F13A1: variants seen among roughly 807,000 people sequenced by gnomAD.
The protein encoded by F13A1 is coagulation factor XIII A chain, also known as FSF, A subunit.
In F13A1, 47 loss-of-function variants were observed where a neutral mutation model predicts 80.1. The ratio of observed to expected loss-of-function variants is 0.59; its 90% CI spans 0.46 to 0.75. The LOEUF (loss-of-function observed/expected upper bound fraction) is 0.75. Among genes scored for constraint, F13A1 ranks in the 30% least tolerant of loss-of-function variants. The pLI, the probability that F13A1 is intolerant of heterozygous loss-of-function variation, is 0.00. For synonymous variants in F13A1, 349 were observed against 344.9 expected (o/e 1.01, Z -0.13); for missense variants, 817 against 930.4 (o/e 0.88, Z 1.59).
rs1010361754 is a variant in F13A1, at chr6:6,161,551, T to TGTGTGTGTGTGTGTGAGA, written c.1908+5906_1908+5907insTCTCACACACACACACAC. ...GTGTGTGTGTGTGTGTGTGTGTGTG[T>TGTGTGTGTGTGTGTGAGA]GAGAGAGAGAGAGAGAGAGAGAGAG... On this transcript the variant is annotated intron_variant, in intron 13 of 14. Coordinates refer to ENST00000264870, the MANE Select transcript of F13A1 (RefSeq NM_000129.4). Among the ~76,000 whole-genome samples the TGTGTGTGTGTGTGTGAGA allele has an allele frequency of 5.9e-3, 856 of 146,300 alleles. 10 individuals are homozygous for TGTGTGTGTGTGTGTGAGA. Among genetic ancestry groups the TGTGTGTGTGTGTGTGAGA allele is most frequent in the African/African-American group, 0.021 (817 of 39,248 alleles).
At chr6:6,275,521 C>T (rs759552960) in intron 3 of F13A1, among the ~76,000 whole-genome samples, 7 of 152,014 alleles carry the variant, frequency 4.6e-5, no homozygotes, top group Non-Finnish European at 7.4e-5. Context: ...TGGTGTGGGC[C>T]ACCACACCCA....
At chr6:6,161,320 C>T (rs143321781) in intron 13 of F13A1, among the ~76,000 whole-genome samples, 4 of 152,280 alleles carry the variant, frequency 2.6e-5, no homozygotes, top group African/African-American at 9.6e-5. Flanking sequence ...TAAGCAACCC[C>T]CATGCATTGA....
intron 10 of F13A1, among the ~76,000 whole-genome samples, chr6:6,185,193 A>G (rs1761057435): frequency 6.6e-6 from 1 of 151,142 alleles, no homozygotes; most frequent in East Asian, 1.9e-4. Context: ...GGTTAGTTAC[A>G]TATGTATACA....
chr6:6,288,942 G>C (rs1259137467), intron 3 of F13A1, among the ~76,000 whole-genome samples: 1 of 152,168 alleles, frequency 6.6e-6, no homozygotes, highest in Non-Finnish European at 1.5e-5. Flanking sequence ...GGCCATTTTG[G>C]TGTCTTCTTT....
intron 10 of F13A1, among the ~76,000 whole-genome samples, chr6:6,194,522 G>A (rs976266535): frequency 5.9e-5 from 9 of 152,134 alleles, no homozygotes; most frequent in Non-Finnish European, 1.2e-4. Flanking sequence ...CATCCTCACT[G>A]TCTGTTCCCA....
intron 3 of F13A1, among the ~76,000 whole-genome samples, chr6:6,288,640 T>A (rs1758170828): frequency 6.6e-6 from 1 of 152,204 alleles, no homozygotes. Context: ...CTTTTCAACA[T>A]CCTGATTTCA....
At chr6:6,179,117 GCTGAT>G in intron 11 of F13A1, among the ~76,000 whole-genome samples, 1 of 152,170 alleles carries the variant, frequency 6.6e-6, no homozygotes, top group African/African-American at 2.4e-5. Flanking sequence ...CTGCTTAAAT[GCTGAT>G]TGGAAGGAGA....
intron 3 of F13A1, among the ~76,000 whole-genome samples, chr6:6,289,981 C>T (rs1391338186): frequency 6.6e-6 from 1 of 152,166 alleles, no homozygotes; most frequent in African/African-American, 2.4e-5. Flanking sequence ...AAAAGGTTGG[C>T]ATTGAACACA....
intron 1 of F13A1, 90 bp from the exon 2 acceptor site, chr6:6,318,772 ATATC>A: frequency 7.1e-7 from 1 of 1,406,324 alleles, no homozygotes; most frequent in Admixed American, 1.9e-5. Flanking sequence ...AGAAACAGAT[ATATC>A]TGTGTGTGAT....
intron 8 of F13A1, among the ~76,000 whole-genome samples, chr6:6,213,188 G>T (rs993420544): frequency 6.6e-6 from 1 of 151,972 alleles, no homozygotes; most frequent in Non-Finnish European, 1.5e-5. Context: ...ACACCACAAA[G>T]ATACTCCTCG....
At chr6:6,265,952 A>G (rs544670679) in intron 4 of F13A1, among the ~76,000 whole-genome samples, 1 of 152,342 alleles carries the variant, frequency 6.6e-6, no homozygotes, top group South Asian at 2.1e-4. Context: ...GGTTGGTGCA[A>G]AAGTAATTGT....
chr6:6,244,778 G>T (rs1757532160), intron 6 of F13A1, among the ~76,000 whole-genome samples: 1 of 152,172 alleles, frequency 6.6e-6, no homozygotes, highest in African/African-American at 2.4e-5. Flanking sequence ...TTTACCCTGG[G>T]TCACATAGTA....
chr6:6,195,771 G>T (rs745509233), intron 10 of F13A1, 26 bp downstream of exon 10: 2 of 1,601,938 alleles, frequency 1.2e-6, no homozygotes, highest in Admixed American at 3.4e-5. Context: ...GAGAAAAACA[G>T]CACTTTCCTC....
chr6:6,164,787 C>T (rs551038666), intron 13 of F13A1, among the ~76,000 whole-genome samples: 211 of 144,438 alleles, frequency 1.5e-3, no homozygotes, highest in Middle Eastern at 3.5e-3. Context: ...CTCCCTCCAT[C>T]CTTTTCTCCT....
In F13A1 at chr6:6,312,518, A is replaced by AG. The variant is rs1758618507; in HGVS notation, c.130+6016_130+6017insC. Among the ~76,000 whole-genome samples the AG allele has an allele frequency of 6.5e-5, 4 of 61,820 alleles. 1 individual carries two copies. The South Asian group carries it at 1.4e-3, about 22-fold the overall frequency. The allele number at this position is 61,820 out of a possible 152,430, so 40.6% of individuals were successfully genotyped here. Reference sequence around the variant, plus strand: ...AACCCAGTCTCTACTAAAAAAAAAAAAAAAGAAAAGTTAGCTGGTCGTGGT... The same window carrying AG: ...AACCCAGTCTCTACTAAAAAAAAAAAGAAAAGAAAAGTTAGCTGGTCGTGGT... On this transcript the variant is annotated intron_variant, in intron 2 of 14. Coordinates refer to ENST00000264870, the MANE Select transcript of F13A1 (RefSeq NM_000129.4).
At chr6:6,206,396 C>G in intron 8 of F13A1, 1 of 453,030 alleles carries the variant, frequency 2.2e-6, no homozygotes. Context: ...AACATGATTC[C>G]ATTGCCATAT....
At chr6:6,191,019 A>C (rs1047748390) in intron 10 of F13A1, among the ~76,000 whole-genome samples, 12 of 152,002 alleles carry the variant, frequency 7.9e-5, no homozygotes, top group Non-Finnish European at 1.0e-4. Context: ...TTCTTTGACT[A>C]GGAAAGGGAA....
intron 3 of F13A1, among the ~76,000 whole-genome samples, chr6:6,285,061 T>C (rs1758116940): frequency 6.6e-6 from 1 of 152,146 alleles, no homozygotes; most frequent in Non-Finnish European, 1.5e-5. Flanking sequence ...CTGGCCAACA[T>C]GGTGAAATCC....
rs5978 is a variant in F13A1, at chr6:6,195,908, G to A, written c.1217-23C>T. On this transcript the variant is annotated intron_variant, in intron 9 of 14. Coordinates refer to ENST00000264870, the MANE Select transcript of F13A1 (RefSeq NM_000129.4). Reference sequence around the variant, plus strand: ...TGCCTGCATTGCACAGAGGAAGGGCGGTGTGAGTTTGTCATCTCCAATTCT... The same window carrying A: ...TGCCTGCATTGCACAGAGGAAGGGCAGTGTGAGTTTGTCATCTCCAATTCT... 0.33 allele frequency: 528,164 copies of A among 1,608,582 alleles called. 89,477 individuals carry two copies. Among genetic ancestry groups the A allele is most frequent in the South Asian group, 0.43 (39,481 of 90,784 alleles).
Sources: allele counts gnomAD v4.1 joint callset (sites outside exome capture counted in the v4.1 genomes callset), GRCh38; gene constraint gnomAD v4.1.1; transcripts MANE v1.5; gene names NCBI Gene and HGNC (gene_info 2026-07-23, HGNC 2026-07-21).